CACNA1D: variants seen among roughly 807,000 people sequenced by gnomAD.
CACNA1D encodes voltage-dependent L-type calcium channel subunit alpha-1D.
Under a neutral mutation model 257.1 loss-of-function variants are expected in CACNA1D, and 55 were observed. The ratio of observed to expected loss-of-function variants is 0.21; its 90% CI spans 0.17 to 0.27. The LOEUF (loss-of-function observed/expected upper bound fraction) is 0.27. Among genes scored for constraint, CACNA1D ranks in the 10% least tolerant of loss-of-function variants. The pLI is 1.00. For synonymous variants in CACNA1D, 980 were observed against 1,014.9 expected (o/e 0.97, Z 0.65); for missense variants, 1,876 against 2,784.0 (o/e 0.67, Z 7.34).
rs370014832 is a variant in CACNA1D, at chr3:53,742,483, T to A, written c.2812-528T>A. ...CACGTGTCATCAGACTTGGAGGAAT[T>A]GCTTAAGATGGATGCGTCATTAAAG... On this transcript the variant is annotated intron_variant, in intron 21 of 47. Coordinates refer to ENST00000350061, the MANE Select transcript of CACNA1D (RefSeq NM_001128840.3). Among the ~76,000 whole-genome samples, 64 of 152,292 alleles carry A rather than the reference T, an allele frequency of 4.2e-4. 1 individual carries two copies. The South Asian group carries it at 0.013, about 32-fold the overall frequency.
intron 15 of CACNA1D, 86 bp downstream of exon 15, chr3:53,727,085 G>T (rs2094942614): frequency 1.3e-6 from 2 of 1,493,874 alleles, no homozygotes; most frequent in Non-Finnish European, 1.9e-6. Flanking sequence ...TGGTGATGGT[G>T]GTGGTAGTAG....
At chr3:53,560,932 C>T (rs2092727142) in intron 3 of CACNA1D, among the ~76,000 whole-genome samples, 1 of 152,168 alleles carries the variant, frequency 6.6e-6, no homozygotes, top group Non-Finnish European at 1.5e-5. Flanking sequence ...AAGAGAAGTT[C>T]TAGAAATCCT....
chr3:53,545,817 G>A (rs2092400438), intron 3 of CACNA1D, among the ~76,000 whole-genome samples: 1 of 152,190 alleles, frequency 6.6e-6, no homozygotes. Flanking sequence ...GGGAGGAGGC[G>A]CTCTGGCAAC....
At chr3:53,680,940 A>G (rs930489498) in intron 8 of CACNA1D, among the ~76,000 whole-genome samples, 13 of 152,018 alleles carry the variant, frequency 8.6e-5, no homozygotes, top group African/African-American at 2.9e-4. Context: ...AGTGTAGGGA[A>G]CTCTTCCTTG....
intron 3 of CACNA1D, among the ~76,000 whole-genome samples, chr3:53,540,079 CTTTT>C (rs1452731411): frequency 7.3e-6 from 1 of 136,240 alleles, no homozygotes; most frequent in Non-Finnish European, 1.6e-5. Flanking sequence ...TGAACACATT[CTTTT>C]TTTTTTTTTT....
intron 3 of CACNA1D, among the ~76,000 whole-genome samples, chr3:53,609,182 A>C (rs2093551752): frequency 6.6e-6 from 1 of 152,144 alleles, no homozygotes; most frequent in Non-Finnish European, 1.5e-5. Flanking sequence ...AGGCCAAGGC[A>C]GGCAGATCAT....
At chr3:53,580,977 A>G (rs143208785) in intron 3 of CACNA1D, among the ~76,000 whole-genome samples, 5 of 152,350 alleles carry the variant, frequency 3.3e-5, no homozygotes, top group African/African-American at 1.2e-4. Flanking sequence ...GAGGTGAAAG[A>G]TCTGGACCCA....
chr3:53,768,770 G>C (rs2095349356), intron 30 of CACNA1D, among the ~76,000 whole-genome samples: 1 of 152,098 alleles, frequency 6.6e-6, no homozygotes, highest in Non-Finnish European at 1.5e-5. Flanking sequence ...TTTCCCTTTG[G>C]TCTCAGGAGG....
chr3:53,731,924 A>C, intron 17 of CACNA1D, 92 bp from the exon 18 acceptor site: 1 of 823,372 alleles, frequency 1.2e-6, no homozygotes, highest in Non-Finnish European at 2.2e-6. Context: ...GGAGGAATCC[A>C]TGCCCTATGC....
intron 22 of CACNA1D, among the ~76,000 whole-genome samples, chr3:53,743,418 T>A (rs184413351): frequency 2.2e-4 from 34 of 152,342 alleles, no homozygotes; most frequent in Non-Finnish European, 4.3e-4. Context: ...TCCTGGTTCC[T>A]CCAAAGGCTG....
At chr3:53,702,569 G>C in intron 8 of CACNA1D, 72 bp from the exon 9 acceptor site, 1 of 1,449,422 alleles carries the variant, frequency 6.9e-7, no homozygotes, top group South Asian at 1.2e-5. Flanking sequence ...CTGTTGTGCA[G>C]TAGGGCAGTG....
At chr3:53,694,527 G>A (rs191274979) in intron 8 of CACNA1D, among the ~76,000 whole-genome samples, 88 of 152,288 alleles carry the variant, frequency 5.8e-4, no homozygotes, top group Non-Finnish European at 8.4e-4. Context: ...CTGTTGTTCT[G>A]TTGACTGGGC....
chr3:53,811,055 C>G lies in CACNA1D; in HGVS notation c.6193-58C>G, dbSNP rs1343115499. The G allele has an allele frequency of 2.2e-6, 3 of 1,391,616 alleles. No homozygotes were observed. The highest frequency in any genetic ancestry group is 2.8e-5 in the African/African-American group (2 of 70,394). The allele number at this position is 1,391,616 out of a possible 1,614,324, so 86.2% of individuals were successfully genotyped here. A position where few individuals can be genotyped will look rare whatever the true frequency, so the allele number is the denominator to read the frequency against. On this transcript the variant is annotated intron_variant, in intron 47 of 47. Coordinates refer to ENST00000350061, the MANE Select transcript of CACNA1D (RefSeq NM_001128840.3). The surrounding 1 kb of genome is among the most constrained non-coding windows in gnomAD (Gnocchi z 4.2). Reference sequence around the variant, plus strand: ...ACTGGAGTTGATTTTTCTGTCGTCCCCCTGCCCTGCAAAGCCTTATAACAC... The same window carrying G: ...ACTGGAGTTGATTTTTCTGTCGTCCGCCTGCCCTGCAAAGCCTTATAACAC...
intron 39 of CACNA1D, among the ~76,000 whole-genome samples, chr3:53,785,277 C>CA (rs562540571): frequency 3.0e-3 from 448 of 150,572 alleles, no homozygotes; most frequent in Non-Finnish European, 4.7e-3. Flanking sequence ...ACATGCTACT[C>CA]AGAGTCTTTG....
At chr3:53,583,938 C>G (rs1395550402) in intron 3 of CACNA1D, among the ~76,000 whole-genome samples, 1 of 152,166 alleles carries the variant, frequency 6.6e-6, no homozygotes, top group Non-Finnish European at 1.5e-5. Flanking sequence ...CATTGACTTT[C>G]TACAGTCACA....
At chr3:53,575,036 G>T (rs535978550) in intron 3 of CACNA1D, among the ~76,000 whole-genome samples, 25 of 152,340 alleles carry the variant, frequency 1.6e-4, no homozygotes, top group African/African-American at 5.8e-4. Flanking sequence ...GGTCTTCTTT[G>T]TTGAATTCCA....
At chr3:53,605,311 C>A (rs2093495020) in intron 3 of CACNA1D, among the ~76,000 whole-genome samples, 5 of 152,178 alleles carry the variant, frequency 3.3e-5, no homozygotes, top group Admixed American at 3.3e-4. Flanking sequence ...GTATCATTTT[C>A]TGGCCCCTCA....
At position 53,663,777 on chromosome 3, in the gene CACNA1D, G is replaced by GTCTCTC. The variant is rs541515346; in HGVS notation, c.767-1867_767-1862dup. The stretch of plus-strand genomic sequence containing the variant: ...AAAGTTTTAAATGTAGGAAATAATC[G>GTCTCTC]TCTCTCTCTCTCTCTCTCTCTTTTT... On this transcript the variant is annotated intron_variant, in intron 5 of 47. Coordinates refer to ENST00000350061, the MANE Select transcript of CACNA1D (RefSeq NM_001128840.3). Among the ~76,000 whole-genome samples, 328 of 149,572 alleles carry GTCTCTC rather than the reference G, an allele frequency of 2.2e-3. 1 individual carries two copies. Among genetic ancestry groups the GTCTCTC allele is most frequent in the African/African-American group, 7.7e-3 (313 of 40,914 alleles).
intron 4 of CACNA1D, among the ~76,000 whole-genome samples, chr3:53,651,963 T>A (rs570065503): frequency 6.6e-6 from 1 of 152,118 alleles, no homozygotes; most frequent in Non-Finnish European, 1.5e-5. Context: ...GAAGTTAATA[T>A]GAGATCCTAA....
Sources: gnomAD v4.1 joint callset for allele counts (sites outside exome capture counted in the v4.1 genomes callset) on GRCh38, gnomAD v4.1.1 for gene constraint, Gnocchi (gnomAD v3.1) non-coding constraint, MANE v1.5 for transcripts, NCBI Gene and HGNC (gene_info 2026-07-23, HGNC 2026-07-21) for gene names.